The following TRDN variants were observed in gnomAD, a reference collection of about 807,000 sequenced individuals.
The protein encoded by TRDN is triadin in skeletal muscle.
In TRDN, 161 loss-of-function variants were observed where a neutral mutation model predicts 149.7. That is an observed-to-expected ratio of 1.08 (90% confidence interval 0.95 to 1.23). The LOEUF is 1.23. Ranked by LOEUF, TRDN falls within the 50% of genes most tolerant of loss-of-function variation. TRDN has a pLI of 0.00. For synonymous variants in TRDN, 294 were observed against 250.5 expected (o/e 1.17, Z -1.64); for missense variants, 896 against 823.5 (o/e 1.09, Z -1.08).
At chr6:123,224,983 A>G (rs1775302138) in intron 38 of TRDN, among the ~76,000 whole-genome samples, 1 of 151,832 alleles carries the variant, frequency 6.6e-6, no homozygotes, top group African/African-American at 2.4e-5. Context: ...AATGGGAGAA[A>G]ATATTTGCAA....
intron 12 of TRDN, among the ~76,000 whole-genome samples, chr6:123,400,306 T>C (rs1199621130): frequency 1.3e-5 from 2 of 151,834 alleles, no homozygotes; most frequent in Non-Finnish European, 2.9e-5. Context: ...ACAGGGCCTC[T>C]AATTTTGACA....
At chr6:123,286,251 T>C (rs1018378759) in intron 24 of TRDN, among the ~76,000 whole-genome samples, 3 of 152,046 alleles carry the variant, frequency 2.0e-5, no homozygotes, top group Non-Finnish European at 4.4e-5. Context: ...GAATTCACAA[T>C]TGCAAAAACA....
chr6:123,445,123 G>C (rs555618792), intron 10 of TRDN: 2 of 151,386 alleles, frequency 1.3e-5, no homozygotes, highest in Non-Finnish European at 2.9e-5. Flanking sequence ...ACCTCTGGTA[G>C]AATTTGGCTG....
At chr6:123,346,030 T>C (rs1379174503) in intron 21 of TRDN, among the ~76,000 whole-genome samples, 1 of 152,090 alleles carries the variant, frequency 6.6e-6, no homozygotes, top group East Asian at 1.9e-4. Flanking sequence ...CCTTTTCTTA[T>C]ATTGTTGCAT....
At chr6:123,500,043 A>T (rs1410710728) in intron 8 of TRDN, among the ~76,000 whole-genome samples, 2 of 152,090 alleles carry the variant, frequency 1.3e-5, no homozygotes, top group South Asian at 4.2e-4. Context: ...TATATTTCTT[A>T]TATTTCCTAG....
chr6:123,454,399 G>A (rs1374858532), intron 10 of TRDN, among the ~76,000 whole-genome samples: 1 of 152,106 alleles, frequency 6.6e-6, no homozygotes, highest in Non-Finnish European at 1.5e-5. Context: ...ATATGTTTTA[G>A]TTTGGGTTGG....
intron 1 of TRDN, among the ~76,000 whole-genome samples, chr6:123,609,993 G>A (rs1784719518): frequency 1.3e-5 from 2 of 152,022 alleles, no homozygotes; most frequent in African/African-American, 2.4e-5. Flanking sequence ...CCTGAAATAA[G>A]CTTTTTCAAT....
At chr6:123,456,984 G>A (rs1418347150) in intron 10 of TRDN, 4 of 348,580 alleles carry the variant, frequency 1.1e-5, no homozygotes, top group African/African-American at 2.2e-5. Flanking sequence ...AAGAGCATTG[G>A]AGGAAACATT....
At chr6:123,383,091 T>C (rs1423113651) in intron 14 of TRDN, among the ~76,000 whole-genome samples, 4 of 152,042 alleles carry the variant, frequency 2.6e-5, no homozygotes, top group Non-Finnish European at 5.9e-5. Context: ...CCTAGAACAG[T>C]AGACATTCAC....
At chr6:123,625,963 A>C (rs2114725802) in intron 1 of TRDN, among the ~76,000 whole-genome samples, 1 of 152,306 alleles carries the variant, frequency 6.6e-6, no homozygotes, top group East Asian at 1.9e-4. Flanking sequence ...ATTTCATGAA[A>C]GATGTCTCTG....
At chr6:123,631,483 G>A (rs1786003961) in intron 1 of TRDN, among the ~76,000 whole-genome samples, 1 of 151,858 alleles carries the variant, frequency 6.6e-6, no homozygotes. Flanking sequence ...TATTAAAAAT[G>A]ATTACTTCCT....
At chr6:123,340,689 C>T (rs1449950302) in intron 21 of TRDN, among the ~76,000 whole-genome samples, 2 of 151,846 alleles carry the variant, frequency 1.3e-5, no homozygotes, top group South Asian at 2.1e-4. Flanking sequence ...TATTTTTTCA[C>T]GAACATAATG....
At chr6:123,465,873 A>C (rs903874806) in intron 9 of TRDN, among the ~76,000 whole-genome samples, 1 of 152,220 alleles carries the variant, frequency 6.6e-6, no homozygotes, top group African/African-American at 2.4e-5. Context: ...ATCAAATGTC[A>C]GCAGACCTGC....
intron 16 of TRDN, among the ~76,000 whole-genome samples, chr6:123,379,414 A>G (rs6569341): frequency 0.34 from 52,353 of 152,088 alleles, 9,435 homozygotes; most frequent in Middle Eastern, 0.43. Flanking sequence ...AAACAAAATG[A>G]GAACATTATC....
intron 24 of TRDN, 104 bp from the exon 25 acceptor site, chr6:123,279,186 T>G: frequency 2.2e-6 from 2 of 894,774 alleles, no homozygotes; most frequent in Non-Finnish European, 3.3e-6. Context: ...AATGAAACAA[T>G]GTAGACCCCA....
chr6:123,326,582 T>G (rs1779465047), intron 23 of TRDN, among the ~76,000 whole-genome samples: 2 of 151,956 alleles, frequency 1.3e-5, no homozygotes, highest in African/African-American at 4.8e-5. Context: ...CTATTAATGT[T>G]TGGTTTACAT....
chr6:123,310,392 A>G (rs1778774915), intron 24 of TRDN, among the ~76,000 whole-genome samples: 1 of 152,060 alleles, frequency 6.6e-6, no homozygotes, highest in Non-Finnish European at 1.5e-5. Context: ...TTCAAAAAGA[A>G]AAGGAAATTT....
intron 1 of TRDN, among the ~76,000 whole-genome samples, chr6:123,591,539 T>C (rs9385309): frequency 0.92 from 140,354 of 152,290 alleles, 64,839 homozygotes; most frequent in East Asian, 1. Context: ...AGCCACCATG[T>C]CCAGTCCCAA....
intron 1 of TRDN, among the ~76,000 whole-genome samples, chr6:123,577,269 TA>T (rs1782905387): frequency 1.3e-5 from 2 of 151,996 alleles, no homozygotes; most frequent in Admixed American, 1.3e-4. Flanking sequence ...ACCCAACAAT[TA>T]TTTTTTTTCT....
Sources: allele counts gnomAD v4.1 joint callset (sites outside exome capture counted in the v4.1 genomes callset), GRCh38; gene constraint gnomAD v4.1.1; transcripts MANE v1.5; gene names NCBI Gene and HGNC (gene_info 2026-07-23, HGNC 2026-07-21).